The following AFF3 variants were observed in gnomAD, a reference collection of about 807,000 sequenced individuals.
AFF3 encodes ALF transcription elongation factor 3, also known as AF4/FMR2 family member 3.
A neutral mutation model predicts 129.7 loss-of-function variants in AFF3; 32 were observed. That is an observed-to-expected ratio of 0.25 (90% confidence interval 0.19 to 0.33). AFF3 has a LOEUF of 0.33. AFF3 is among the 10% of genes least tolerant of loss of function. The probability of loss-of-function intolerance (pLI) is 1.00; values close to 1 mark genes in which losing one functional copy is unlikely to be tolerated. For synonymous variants in AFF3, 644 were observed against 635.4 expected (o/e 1.01, Z -0.20); for missense variants, 1,373 against 1,592.0 (o/e 0.86, Z 2.34).
In AFF3 at chr2:99,809,438, C is replaced by A. The variant is rs142101056; in HGVS notation, c.921+28039G>T. 2.0e-5 allele frequency among the ~76,000 whole-genome samples: 3 copies of A among 152,342 alleles called. No individual in the cohort carries two copies. In the East Asian group the frequency reaches 5.8e-4, roughly 29 times the overall value. ...GCTGGGGGTCACACATACATTAGCTCATTTCATCCTTCTATGAAAGCCCAT... is the reference window on the plus strand; with the variant it reads ...GCTGGGGGTCACACATACATTAGCTAATTTCATCCTTCTATGAAAGCCCAT... On this transcript the variant is annotated intron_variant, in intron 8 of 24. Coordinates refer to ENST00000672756, the MANE Select transcript of AFF3 (RefSeq NM_001386135.1).
At chr2:99,770,045 G>A (rs1406943255) in intron 8 of AFF3, among the ~76,000 whole-genome samples, 1 of 152,220 alleles carries the variant, frequency 6.6e-6, no homozygotes, top group Non-Finnish European at 1.5e-5. Context: ...AGACGGTGAA[G>A]CCAGCTGGGT....
intron 4 of AFF3, among the ~76,000 whole-genome samples, chr2:100,073,668 A>G (rs56037757): frequency 0.14 from 22,015 of 152,228 alleles, 1,921 homozygotes; most frequent in East Asian, 0.28. Context: ...CTCTTTCTCA[A>G]ATAAAGGCAA....
intron 4 of AFF3, among the ~76,000 whole-genome samples, chr2:100,019,068 A>G (rs1406887437): frequency 1.3e-5 from 2 of 152,172 alleles, no homozygotes; most frequent in Non-Finnish European, 2.9e-5. Flanking sequence ...GTGGCCACTC[A>G]GGCTCATGGG....
chr2:99,645,159 G>C (rs1183528578), intron 13 of AFF3, among the ~76,000 whole-genome samples: 5 of 152,004 alleles, frequency 3.3e-5, no homozygotes, highest in African/African-American at 4.8e-5. Context: ...ACATGGTGAA[G>C]CCCCCCCTCT....
chr2:99,624,024 G>A (rs578257644), intron 13 of AFF3, among the ~76,000 whole-genome samples: 3 of 152,306 alleles, frequency 2.0e-5, no homozygotes, highest in African/African-American at 4.8e-5. Context: ...AGAGGCCATC[G>A]GCGTACAGGG....
intron 18 of AFF3, among the ~76,000 whole-genome samples, chr2:99,574,448 C>T (rs1195130086): frequency 6.6e-6 from 1 of 152,148 alleles, no homozygotes; most frequent in Admixed American, 6.5e-5. Flanking sequence ...GCTAACACGC[C>T]CGGCTGATTT....
At chr2:100,039,518 C>T (rs946368180) in intron 4 of AFF3, among the ~76,000 whole-genome samples, 1 of 152,062 alleles carries the variant, frequency 6.6e-6, no homozygotes, top group African/African-American at 2.4e-5. Flanking sequence ...GATGGCACCA[C>T]TGCACTCTAG....
intron 4 of AFF3, among the ~76,000 whole-genome samples, chr2:100,067,674 A>G (rs887171843): frequency 1.3e-5 from 2 of 152,188 alleles, no homozygotes; most frequent in African/African-American, 4.8e-5. Flanking sequence ...TTTTCTAGAT[A>G]TCTTAAGACT....
At chr2:100,127,325 C>T (rs1276013655) in intron 2 of AFF3, among the ~76,000 whole-genome samples, 2 of 152,216 alleles carry the variant, frequency 1.3e-5, no homozygotes, top group Non-Finnish European at 2.9e-5. Context: ...ATTGTCTCAT[C>T]TGATTCTAAC....
At chr2:99,553,817 G>A (rs1674635825) in intron 24 of AFF3, among the ~76,000 whole-genome samples, 1 of 151,162 alleles carries the variant, frequency 6.6e-6, no homozygotes, top group Non-Finnish European at 1.5e-5. Flanking sequence ...GGGAGGCTGA[G>A]GCAGAAGAAT....
intron 8 of AFF3, among the ~76,000 whole-genome samples, chr2:99,765,074 C>A (rs1345257082): frequency 2.6e-5 from 4 of 152,234 alleles, no homozygotes; most frequent in Admixed American, 2.6e-4. Flanking sequence ...CTGATCAGCT[C>A]AGGAGAAAAT....
intron 1 of AFF3, among the ~76,000 whole-genome samples, chr2:100,134,501 CAG>C (rs1457241954): frequency 2.6e-5 from 4 of 152,120 alleles, no homozygotes; most frequent in East Asian, 1.9e-4. Flanking sequence ...GCATTTTCGA[CAG>C]AGTCAAAGCT....
At chr2:100,054,081 G>A (rs1442760591) in intron 4 of AFF3, among the ~76,000 whole-genome samples, 1 of 152,142 alleles carries the variant, frequency 6.6e-6, no homozygotes, top group Non-Finnish European at 1.5e-5. Flanking sequence ...GGCCACAGAG[G>A]TCATTAACAC....
chr2:99,743,891 G>A (rs1236503857), intron 10 of AFF3, among the ~76,000 whole-genome samples: 1 of 152,082 alleles, frequency 6.6e-6, no homozygotes, highest in African/African-American at 2.4e-5. Context: ...ACCATTTTCT[G>A]TTTTGGCCTT....
At chr2:99,951,120 C>T (rs1676124628) in intron 7 of AFF3, among the ~76,000 whole-genome samples, 1 of 152,090 alleles carries the variant, frequency 6.6e-6, no homozygotes, top group Non-Finnish European at 1.5e-5. Flanking sequence ...TGAAACTATA[C>T]CTTCACCCTT....
intron 4 of AFF3, among the ~76,000 whole-genome samples, chr2:100,076,097 C>T (rs1688568656): frequency 6.6e-6 from 1 of 152,206 alleles, no homozygotes. Context: ...TGAGTTTCCT[C>T]TGATGACATG....
At chr2:100,087,255 GTGC>G (rs1162622976) in intron 4 of AFF3, among the ~76,000 whole-genome samples, 1 of 152,054 alleles carries the variant, frequency 6.6e-6, no homozygotes, top group Non-Finnish European at 1.5e-5. Context: ...TTTTACCCCT[GTGC>G]TAAATAATTA....
At chr2:100,017,398 C>G (rs2104835306) in intron 4 of AFF3, among the ~76,000 whole-genome samples, 1 of 152,254 alleles carries the variant, frequency 6.6e-6, no homozygotes, top group Middle Eastern at 3.4e-3. Flanking sequence ...TTATCTCAAT[C>G]TTAATTCAAT....
intron 12 of AFF3, among the ~76,000 whole-genome samples, chr2:99,661,646 GT>G (rs1446971047): frequency 1.3e-5 from 2 of 152,180 alleles, no homozygotes; most frequent in Non-Finnish European, 2.9e-5. Context: ...AGCGTTATGA[GT>G]CTCTGTGCTC....
Sources: gnomAD v4.1 joint callset for allele counts (sites outside exome capture counted in the v4.1 genomes callset) on GRCh38, gnomAD v4.1.1 for gene constraint, MANE v1.5 for transcripts, NCBI Gene and HGNC (gene_info 2026-07-23, HGNC 2026-07-21) for gene names.